The following SLIT3 variants were observed in gnomAD, a reference collection of about 807,000 sequenced individuals.
SLIT3 encodes slit homolog 3 protein.
A neutral mutation model predicts 184.0 loss-of-function variants in SLIT3; 68 were observed. That is an observed-to-expected ratio of 0.37 (90% CI 0.30 to 0.45). SLIT3 has a LOEUF of 0.45. SLIT3 is among the 20% of genes least tolerant of loss of function. The pLI, the probability that SLIT3 is intolerant of heterozygous loss-of-function variation, is 1.00. For missense variants in SLIT3, 1,707 were observed against 2,026.0 expected (o/e 0.84, Z 3.02); for synonymous variants, 831 against 828.6 (o/e 1.00, Z -0.05).
chr5:169,208,152 C>T (rs1764139794), intron 3 of SLIT3, among the ~76,000 whole-genome samples: 1 of 152,164 alleles, frequency 6.6e-6, no homozygotes, highest in Non-Finnish European at 1.5e-5. Context: ...ATTCCAGTTG[C>T]TTACTTATAA....
At chr5:168,863,136 G>C (rs570688240) in intron 5 of SLIT3, among the ~76,000 whole-genome samples, 2 of 152,310 alleles carry the variant, frequency 1.3e-5, no homozygotes, top group African/African-American at 4.8e-5. Flanking sequence ...CCCAAAGTCT[G>C]ACTTGCCTGA....
rs1760864358 is a variant in SLIT3 at position 168,661,861 on chromosome 5, G to A, written c.*4593C>T. ...TGCATGTTATTTATTCCATACTGGG[G>A]AAGTGCCACTATAACATTGTTTTAA... On this transcript the variant is annotated 3_prime_UTR_variant, in exon 36 of 36. Transcript: ENST00000519560. 1 of 152,172 alleles carries A rather than the reference G, an allele frequency of 6.6e-6. No individual in the cohort carries two copies. The highest frequency in any genetic ancestry group is 2.4e-5 in the African/African-American group (1 of 41,418). The allele number at this position is 152,172 out of a possible 1,614,324, so 9.4% of individuals were successfully genotyped here.
intron 3 of SLIT3, among the ~76,000 whole-genome samples, chr5:169,227,627 C>T (rs1357596195): frequency 1.3e-5 from 2 of 152,164 alleles, no homozygotes; most frequent in African/African-American, 2.4e-5. Context: ...AGGGTTTCAC[C>T]GTGTTGGCCA....
At chr5:168,906,041 G>A (rs1228702028) in intron 4 of SLIT3, among the ~76,000 whole-genome samples, 1 of 152,156 alleles carries the variant, frequency 6.6e-6, no homozygotes, top group Non-Finnish European at 1.5e-5. Flanking sequence ...CAGCAAGCCC[G>A]AATTTCCACC....
At chr5:169,038,682 C>T (rs1757342994) in intron 4 of SLIT3, among the ~76,000 whole-genome samples, 2 of 152,158 alleles carry the variant, frequency 1.3e-5, no homozygotes, top group Non-Finnish European at 1.5e-5. Context: ...TGAGGCTACG[C>T]GATTTGCCAA....
intron 1 of SLIT3, among the ~76,000 whole-genome samples, chr5:169,256,446 T>C (rs544765137): frequency 6.6e-6 from 1 of 152,362 alleles, no homozygotes; most frequent in East Asian, 1.9e-4. Context: ...ATGTGTGTAG[T>C]AGGCTAGACC....
In SLIT3 at chr5:168,897,644, A is replaced by ACGCGCGCGCGCGCG. The variant is rs59784827; in HGVS notation, c.414-14309_414-14308insCGCGCGCGCGCGCG. Among the ~76,000 whole-genome samples, 12 of 124,204 alleles carry ACGCGCGCGCGCGCG rather than the reference A, an allele frequency of 9.7e-5. No homozygotes were observed. The South Asian group carries it at 1.2e-3, about 13-fold the overall frequency. The allele number at this position is 124,204 out of a possible 152,430, so 81.5% of individuals were successfully genotyped here. On this transcript the variant is annotated intron_variant, in intron 4 of 35. Transcript: ENST00000519560. ...AGAGAAAGAGGATGGAGACAGGTGC[A>ACGCGCGCGCGCGCG]CGTACACACACACACACACACACAC...
intron 1 of SLIT3, 86 bp from the exon 2 acceptor site, chr5:169,251,545 G>T: frequency 1.1e-6 from 1 of 906,548 alleles, no homozygotes; most frequent in Non-Finnish European, 1.9e-6. Context: ...CTGAAGGGAT[G>T]TTGCTTGTCC....
At chr5:168,832,986 C>G (rs142772047) in intron 6 of SLIT3, among the ~76,000 whole-genome samples, 3 of 152,200 alleles carry the variant, frequency 2.0e-5, no homozygotes, top group South Asian at 4.1e-4. Context: ...GTAGTTGAAA[C>G]CTTCCTTCTA....
chr5:168,807,925 GT>G, intron 8 of SLIT3, among the ~76,000 whole-genome samples: 1 of 152,130 alleles, frequency 6.6e-6, no homozygotes, highest in Admixed American at 6.5e-5. Flanking sequence ...GGCCCCAAGG[GT>G]GGATCCTCCT....
At chr5:168,989,071 TC>T (rs1755229520) in intron 4 of SLIT3, among the ~76,000 whole-genome samples, 1 of 152,198 alleles carries the variant, frequency 6.6e-6, no homozygotes, top group Admixed American at 6.5e-5. Context: ...ACCACTGAAT[TC>T]AAGTATTTTA....
chr5:168,909,265 G>A (rs548041649), intron 4 of SLIT3, among the ~76,000 whole-genome samples: 2 of 152,260 alleles, frequency 1.3e-5, no homozygotes, highest in Admixed American at 6.5e-5. Context: ...GTTGGAAACT[G>A]GTGTTTAATT....
intron 4 of SLIT3, among the ~76,000 whole-genome samples, chr5:169,014,273 A>G (rs1023535405): frequency 3.3e-5 from 5 of 152,174 alleles, no homozygotes; most frequent in Non-Finnish European, 4.4e-5. Flanking sequence ...TACATTATAC[A>G]TGTATTCTTA....
chr5:168,823,226 G>T (rs780234232), intron 7 of SLIT3, 34 bp downstream of exon 7: 5 of 1,572,798 alleles, frequency 3.2e-6, no homozygotes, highest in Non-Finnish European at 4.4e-6. Context: ...GAGGTAGGGA[G>T]AAAATGGGAG....
chr5:169,103,658 G>A lies in SLIT3; in HGVS notation c.413+89821C>T, dbSNP rs552814253. On this transcript the variant is annotated intron_variant, in intron 4 of 35. Transcript: ENST00000519560. ...ACCGGGAGGTGGGTGGGTCTGCCAC[G>A]TTCCTAGGTCCAGGGTGGAACTGCT... Among the ~76,000 whole-genome samples the A allele has an allele frequency of 2.3e-4, 35 of 152,350 alleles. No individual in the cohort carries two copies. In the South Asian group the frequency reaches 6.4e-3, roughly 28 times the overall value.
intron 4 of SLIT3, among the ~76,000 whole-genome samples, chr5:168,893,979 C>T (rs1296050229): frequency 3.3e-5 from 5 of 152,138 alleles, no homozygotes; most frequent in Admixed American, 1.3e-4. Context: ...ACCACTTGGG[C>T]CCATTTCTGT....
chr5:168,853,692 T>G (rs1489600873), intron 5 of SLIT3, among the ~76,000 whole-genome samples: 1 of 152,228 alleles, frequency 6.6e-6, no homozygotes, highest in Admixed American at 6.5e-5. Context: ...AACTTGGCAT[T>G]GAACCCAGTT....
chr5:169,125,045 T>G (rs945621003), intron 4 of SLIT3, among the ~76,000 whole-genome samples: 20 of 151,964 alleles, frequency 1.3e-4, no homozygotes, highest in African/African-American at 4.8e-4. Flanking sequence ...GTTTTGTTTT[T>G]GTTTTTTGTT....
chr5:169,114,599 T>C lies in SLIT3; in HGVS notation c.413+78880A>G, dbSNP rs117529259. On this transcript the variant is annotated intron_variant, in intron 4 of 35. Transcript: ENST00000519560. ...ACACCATAGGGCCAGGGTGTCCTGGTGTGACATTGCAATTTCAGTACATTT... is the reference window on the plus strand; with the variant it reads ...ACACCATAGGGCCAGGGTGTCCTGGCGTGACATTGCAATTTCAGTACATTT... Among the ~76,000 whole-genome samples, 13 of 152,308 alleles carry C rather than the reference T, an allele frequency of 8.5e-5. No individual in the cohort carries two copies. The East Asian group carries it at 2.5e-3, about 29-fold the overall frequency.
Sources: allele counts gnomAD v4.1 joint callset (sites outside exome capture counted in the v4.1 genomes callset), GRCh38; gene constraint gnomAD v4.1.1; transcripts MANE v1.5; gene names NCBI Gene and HGNC (gene_info 2026-07-23, HGNC 2026-07-21).